Variants in MBTD1 observed in about 807,000 individuals in gnomAD.
MBTD1 encodes the protein MBT domain-containing protein 1.
Under a neutral mutation model 87.8 loss-of-function variants are expected in MBTD1, and 24 were observed. The observed-to-expected ratio is 0.27, with a 90% CI of 0.20 to 0.38. The LOEUF (loss-of-function observed/expected upper bound fraction) is 0.38. Among genes scored for constraint, MBTD1 ranks in the 10% least tolerant of loss-of-function variants. MBTD1 has a pLI of 1.00. For synonymous variants in MBTD1, 237 were observed against 248.6 expected, an observed-to-expected ratio of 0.95 and a Z score of 0.44; for missense variants, 436 against 760.2, an observed-to-expected ratio of 0.57 and a Z score of 5.02.
At chr17:51,233,044 C>A (rs572085942) in intron 2 of MBTD1, among the ~76,000 whole-genome samples, 8 of 103,584 alleles carry the variant, frequency 7.7e-5, no homozygotes, top group African/African-American at 3.2e-4. Context: ...GGTGACAGAG[C>A]GAGACCTTCC....
chr17:51,223,809 T>C (rs2053056596), intron 3 of MBTD1, among the ~76,000 whole-genome samples: 2 of 152,094 alleles, frequency 1.3e-5, no homozygotes, highest in East Asian at 1.9e-4. Context: ...GCACTCCAGC[T>C]TGGGCATCAG....
chr17:51,191,833 G>C (rs555960993), intron 16 of MBTD1: 1 of 184,072 alleles, frequency 5.4e-6, no homozygotes, highest in Admixed American at 6.3e-5. Context: ...TGCCAGCCTC[G>C]GCCTCCTAAA....
At chr17:51,246,670 C>CT (rs1472815380) in intron 2 of MBTD1, among the ~76,000 whole-genome samples, 2 of 152,196 alleles carry the variant, frequency 1.3e-5, no homozygotes, top group Non-Finnish European at 2.9e-5. Flanking sequence ...GGGTCTCACT[C>CT]TGTCGTCCAG....
chr17:51,239,758 AAAC>A (rs1568226228), intron 2 of MBTD1, among the ~76,000 whole-genome samples: 2 of 151,902 alleles, frequency 1.3e-5, no homozygotes, highest in Admixed American at 1.3e-4. Flanking sequence ...TGGAAGCAAA[AAAC>A]AAAAAAAACA....
At chr17:51,189,929 T>C (rs907273971) in intron 16 of MBTD1, among the ~76,000 whole-genome samples, 16 of 152,304 alleles carry the variant, frequency 1.1e-4, no homozygotes, top group African/African-American at 3.9e-4. Flanking sequence ...AAGCAGCTGG[T>C]GGGCAAAATA....
intron 2 of MBTD1, among the ~76,000 whole-genome samples, chr17:51,241,025 C>CTGGAG (rs1446678370): frequency 1.3e-5 from 2 of 151,984 alleles, no homozygotes; most frequent in East Asian, 3.9e-4. Context: ...TGCACCCAGG[C>CTGGAG]TGGAGTGCAG....
intron 2 of MBTD1, among the ~76,000 whole-genome samples, chr17:51,243,346 TAGA>T (rs1277973464): frequency 6.6e-6 from 1 of 152,004 alleles, no homozygotes; most frequent in African/African-American, 2.4e-5. Context: ...TCAGGAAAGT[TAGA>T]AGAATAATAC....
chr17:51,230,080 C>T (rs1180082692), intron 2 of MBTD1, among the ~76,000 whole-genome samples: 2 of 152,186 alleles, frequency 1.3e-5, no homozygotes, highest in Non-Finnish European at 2.9e-5. Context: ...GGTCATCTAA[C>T]CTGATTCAGC....
chr17:51,225,266 A>C, intron 2 of MBTD1, 57 bp from the exon 3 acceptor site: 2 of 870,718 alleles, frequency 2.3e-6, no homozygotes, highest in Non-Finnish European at 3.2e-6. Flanking sequence ...CACCCCCTAA[A>C]AGACCCTAGC....
chr17:51,217,423 T>C lies in MBTD1; in HGVS notation c.404-7A>G. ...AAACCTTCCATGGAGACTGCTAAAA[T>C]GAAACAAATTTAGATGTATTATAAT... On this transcript the variant is annotated splice_region_variant and splice_polypyrimidine_tract_variant and intron_variant, in intron 5 of 16. Transcript: ENST00000586178. 6 of 1,404,770 alleles carry C rather than the reference T, an allele frequency of 4.3e-6. No homozygotes were observed. In the South Asian group the frequency reaches 6.8e-5, roughly 16 times the overall value. The allele number at this position is 1,404,770 out of a possible 1,614,324, so 87.0% of individuals were successfully genotyped here.
intron 5 of MBTD1, among the ~76,000 whole-genome samples, chr17:51,218,056 T>C (rs2052671037): frequency 6.6e-6 from 1 of 152,218 alleles, no homozygotes; most frequent in Admixed American, 6.5e-5. Flanking sequence ...GTTCTTGCCA[T>C]GTACCTCAGT....
In MBTD1 at chr17:51,252,167, C is replaced by T. The variant is rs111918379; in HGVS notation, c.-49+6976G>A. On this transcript the variant is annotated intron_variant, in intron 2 of 16. Transcript: ENST00000586178. ...TATTCAGCACTTAAATCTGTAGCAG[C>T]GCATTTAAACCTTATGAGTGTCACT... is the stretch of plus-strand genomic sequence containing the variant. Among the ~76,000 whole-genome samples the T allele has an allele frequency of 1.2e-4, 18 of 152,252 alleles. 2 individuals carry two copies. Among genetic ancestry groups the T allele is most frequent in the African/African-American group, 4.3e-4 (18 of 41,550 alleles).
chr17:51,221,195 G>A (rs1239651157), intron 3 of MBTD1, among the ~76,000 whole-genome samples: 3 of 152,232 alleles, frequency 2.0e-5, no homozygotes, highest in African/African-American at 4.8e-5. Flanking sequence ...CTATTCAGGA[G>A]GCTGAGGCGG....
At position 51,202,800 on chromosome 17, in the gene MBTD1, T is replaced by G; in HGVS notation, c.964A>C (p.Ser322Arg). Residue 322 changes from serine to arginine, a missense_variant, in exon 10 of 17, where the codon AGC (serine) becomes CGC (arginine). Physicochemically the swap from Ser to Arg is moderately radical, Grantham distance 110. This residue lies in a region of MBTD1 where 268 missense variants were observed against 401.8 expected (regional missense o/e 0.67). Transcript: ENST00000586178. ...CAGAAGTCATCTGTTCTATCTTCGC[T>G]TTCTTCATACACTAGTCTTAATCTT... ...GGRLRLVYEESEDRTDDFWCH... is the reference protein window; with the variant it reads ...GGRLRLVYEEREDRTDDFWCH... 1.9e-6 allele frequency: 3 copies of G among 1,614,174 alleles called. 1 individual carries two copies. The South Asian group carries it at 3.3e-5, about 18-fold the overall frequency.
rs761475466 is a variant in MBTD1, at chr17:51,203,254, T to C, written c.740-26A>G. 8.2e-6 allele frequency: 10 copies of C among 1,222,180 alleles called. No individual in the cohort carries two copies. In the East Asian group the frequency reaches 1.7e-4, roughly 21 times the overall value. 75.7% of individuals were successfully genotyped at this position (1,222,180 alleles called of 1,614,324 possible). On this transcript the variant is annotated intron_variant, in intron 8 of 16. Transcript: ENST00000586178. ...CTAAAATAGAAGAAATAATCAGTTA[T>C]ACTTTAGCAAAAAAGAACTGCTTCA...
intron 6 of MBTD1, among the ~76,000 whole-genome samples, chr17:51,213,308 A>G (rs1400832487): frequency 1.3e-5 from 2 of 152,194 alleles, no homozygotes; most frequent in Admixed American, 6.5e-5. Context: ...CTGGGATTAC[A>G]GGCATGAGCC....
At chr17:51,236,139 T>C (rs1312313066) in intron 2 of MBTD1, among the ~76,000 whole-genome samples, 1 of 152,202 alleles carries the variant, frequency 6.6e-6, no homozygotes, top group Non-Finnish European at 1.5e-5. Context: ...TATATAGATA[T>C]CTACAGAATC....
In MBTD1 at chr17:51,259,959, G is replaced by A. The variant is rs778821115; in HGVS notation, c.-237C>T. 9.8e-6 allele frequency: 11 copies of A among 1,116,998 alleles called. No individual in the cohort carries two copies. Among genetic ancestry groups the A allele is most frequent in the Non-Finnish European group, 1.2e-5 (11 of 883,134 alleles). 69.2% of individuals were successfully genotyped at this position (1,116,998 alleles called of 1,614,324 possible). A position where few individuals can be genotyped will look rare whatever the true frequency, so the allele number is the denominator to read the frequency against. ...CCCCGGGACTGCGGCGACTACAGGG[G>A]GCCCCCGGCTGGGCCCAGACCGGTG... On this transcript the variant is annotated 5_prime_UTR_variant, in exon 1 of 17. Transcript: ENST00000586178.
In MBTD1 at chr17:51,203,221, C is replaced by T; in HGVS notation, c.747G>A (p.Gln249=). ...GKPLVPPRTI[Q]HKYTNWKAFL... ...AAGCTTTCCAGTTTGTATATTTATG[C>T]TGAATAGCTAAAATAGAAGAAATAA... is the stretch of plus-strand genomic sequence containing the variant. Residue 249 remains glutamine (Q), a synonymous_variant, in exon 9 of 17, where the codon CAG becomes CAA. Transcript: ENST00000586178. 2.0e-6 allele frequency: 3 copies of T among 1,512,940 alleles called. No individual in the cohort carries two copies. Among genetic ancestry groups the T allele is most frequent in the Non-Finnish European group, 2.7e-6 (3 of 1,123,248 alleles). 93.7% of individuals were successfully genotyped at this position (1,512,940 alleles called of 1,614,324 possible). A position where few individuals can be genotyped will look rare whatever the true frequency, so the allele number is the denominator to read the frequency against.
Sources: gnomAD v4.1 joint callset for allele counts (sites outside exome capture counted in the v4.1 genomes callset) on GRCh38, gnomAD v4.1.1 for gene constraint, gnomAD v4.1.1 regional missense constraint, MANE v1.5 for transcripts, NCBI Gene and HGNC (gene_info 2026-07-23, HGNC 2026-07-21) for gene names.